DDX56: variants seen among roughly 807,000 people sequenced by gnomAD.
The protein encoded by DDX56 is probable ATP-dependent RNA helicase DDX56.
In DDX56, 45 loss-of-function variants were observed where a neutral mutation model predicts 61.5. The observed-to-expected ratio is 0.73, with a 90% CI of 0.58 to 0.94. The LOEUF (loss-of-function observed/expected upper bound fraction) is 0.94. Ranked by LOEUF, DDX56 falls within the 40% of genes least tolerant of loss-of-function variation. The pLI, the probability that DDX56 is intolerant of heterozygous loss-of-function variation, is 0.00. For missense variants in DDX56, 708 were observed against 690.7 expected (o/e 1.02, Z -0.28); for synonymous variants, 273 against 268.3 (o/e 1.02, Z -0.17).
chr7:44,568,070 T>C (rs769346824), intron 12 of DDX56, 48 bp downstream of exon 12: 2 of 1,456,774 alleles, frequency 1.4e-6, no homozygotes, highest in Non-Finnish European at 1.9e-6. Flanking sequence ...GAGAAATTAA[T>C]GCCACTTCCC....
At position 44,572,639 on chromosome 7, in the gene DDX56, C is replaced by T; in HGVS notation, c.489G>A (p.Leu163=). The change falls in exon 4 of 14, where the codon TTG becomes TTA. Residue 163 remains leucine, a synonymous_variant. Coordinates refer to ENST00000258772, the MANE Select transcript of DDX56 (RefSeq NM_019082.4). ...AAAGAAGGTCAGCTTCGTCCACCAC[C>T]AAAAGCTCCAGGGAGTCACGAAGTT... ...SLKLRDSLEL[L]VVDEADLLFS... is the part of the protein sequence containing the mutation. 1 of 1,614,196 alleles carries T rather than the reference C, an allele frequency of 6.2e-7. No homozygotes were observed.
At chr7:44,566,255 C>A (rs995519273) in intron 13 of DDX56, 176 bp from the exon 14 acceptor site, 3 of 695,050 alleles carry the variant, frequency 4.3e-6, no homozygotes, top group Non-Finnish European at 5.0e-6. Flanking sequence ...AAAAGCAGGG[C>A]CTGCAGGCGG....
chr7:44,566,649 A>G (rs1033842460), intron 12 of DDX56, 125 bp from the exon 13 acceptor site: 9 of 663,514 alleles, frequency 1.4e-5, no homozygotes, highest in Admixed American at 1.2e-4. Context: ...ACATCTATTC[A>G]CTACCACATC....
At position 44,569,793 on chromosome 7, in the gene DDX56, A is replaced by T. The variant is rs1802626697; in HGVS notation, c.1219+16T>A. 1 of 1,596,906 alleles carries T rather than the reference A, an allele frequency of 6.3e-7. No individual in the cohort carries two copies. The highest frequency in any genetic ancestry group is 8.6e-7 in the Non-Finnish European group (1 of 1,168,686). The stretch of plus-strand genomic sequence containing the variant: ...AGCCTGACCCTGGCCCAGGACCACA[A>T]GAGCCAGGCTCTTACCTCCACTGAG... On this transcript the variant is annotated intron_variant, in intron 9 of 13. Transcript: ENST00000258772.
rs1209544708 is a variant in DDX56, at chr7:44,570,797, A to C, written c.971T>G (p.Val324Gly). 6.2e-7 allele frequency: 1 copy of C among 1,613,846 alleles called. No homozygotes were observed. Among genetic ancestry groups the C allele is most frequent in the South Asian group, 1.1e-5 (1 of 91,082 alleles). The change falls in exon 7 of 14, where the codon GTC (valine) becomes GGC (glycine). Residue 324 changes from valine (V) to glycine (G), a missense_variant. By Grantham distance (109) the Val-to-Gly change is moderately radical. Coordinates refer to ENST00000258772, the MANE Select transcript of DDX56 (RefSeq NM_019082.4). Reference protein sequence around the residue: ...ATDAEVLGAPVKGKRRGRGPK... With the variant: ...ATDAEVLGAPGKGKRRGRGPK... ...CCCTCGGCCCCGACGCTTGCCCTTG[A>C]CTGGGGCCCCCAGGACTTCAGCATC... is the stretch of plus-strand genomic sequence containing the variant.
intron 7 of DDX56, among the ~76,000 whole-genome samples, 182 bp from the exon 8 acceptor site, chr7:44,570,310 A>C (rs981723608): frequency 6.6e-6 from 1 of 152,190 alleles, no homozygotes; most frequent in Non-Finnish European, 1.5e-5. Flanking sequence ...GAGCTTTGAC[A>C]TGTACCCAAA....
intron 2 of DDX56, 126 bp from the exon 3 acceptor site, chr7:44,573,176 C>A: frequency 1.2e-6 from 1 of 838,544 alleles, no homozygotes; most frequent in Non-Finnish European, 1.8e-6. Context: ...GATCATCTAT[C>A]ACTCTGCCCG....
rs912867092 is a variant in DDX56 at position 44,565,935 on chromosome 7, C to T, written c.*67G>A. The T allele has an allele frequency of 1.1e-5, 14 of 1,271,732 alleles. No individual in the cohort carries two copies. The highest frequency in any genetic ancestry group is 1.6e-5 in the Non-Finnish European group (14 of 881,738). The allele number at this position is 1,271,732 out of a possible 1,614,324, so 78.8% of individuals were successfully genotyped here. ...GGCTGTGCAGTAAGCACCAGAGCCT[C>T]GCCTGTCCACGAAGGGTGTAAGCCT... On this transcript the variant is annotated 3_prime_UTR_variant, in exon 14 of 14. Transcript: ENST00000258772.
In DDX56 at chr7:44,573,763, G is replaced by C. The variant is rs774221618; in HGVS notation, c.61-19C>G. Reference sequence around the variant, plus strand: ...TGACAGCCTAGGAGACCAGGAGTGCGGTTTAAGCGGCGTGAAGAGCGATGG... The same window carrying C: ...TGACAGCCTAGGAGACCAGGAGTGCCGTTTAAGCGGCGTGAAGAGCGATGG... On this transcript the variant is annotated intron_variant, in intron 1 of 13. Coordinates refer to ENST00000258772, the MANE Select transcript of DDX56 (RefSeq NM_019082.4). 2 of 1,613,376 alleles carry C rather than the reference G, an allele frequency of 1.2e-6. No homozygotes were observed. Among genetic ancestry groups the C allele is most frequent in the East Asian group, 2.2e-5 (1 of 44,886 alleles).
chr7:44,571,858 G>A, intron 5 of DDX56, 122 bp from the exon 6 acceptor site: 1 of 1,298,438 alleles, frequency 7.7e-7, no homozygotes, highest in Non-Finnish European at 1.1e-6. Context: ...AGGATTCCTG[G>A]CACCCTAACT....
chr7:44,572,945 C>T lies in DDX56; in HGVS notation c.328G>A (p.Ala110Thr), dbSNP rs151031016. Residue 110 changes from alanine (A) to threonine (T), a missense_variant, in exon 3 of 14, where the codon GCT becomes ACT. Transcript: ENST00000258772. ...SMIQQLATYC[A>T]RDVRVANVSA... is the part of the protein sequence containing the mutation. ...ACATTGGCCACTCGGACATCCCGAG[C>T]ACAGTAGGTAGCCAGCTGCTGAATC... is the stretch of plus-strand genomic sequence containing the variant. 7.9e-5 allele frequency: 128 copies of T among 1,612,472 alleles called. No individual in the cohort carries two copies. Among genetic ancestry groups the T allele is most frequent in the Admixed American group, 6.7e-5 (4 of 59,750 alleles).
intron 6 of DDX56, 53 bp downstream of exon 6, chr7:44,571,439 C>CT: frequency 2.5e-6 from 4 of 1,605,888 alleles, no homozygotes; most frequent in Non-Finnish European, 3.4e-6. Context: ...ACTGGGTCCC[C>CT]TTTCCATCTC....
In DDX56 at chr7:44,569,901, G is replaced by C. The variant is rs1802629724; in HGVS notation, c.1127C>G (p.Thr376Arg). 1 of 1,611,116 alleles carries C rather than the reference G, an allele frequency of 6.2e-7. No homozygotes were observed. Among genetic ancestry groups the C allele is most frequent in the Non-Finnish European group, 8.5e-7 (1 of 1,178,540 alleles). ...PEAYIHRAGRTARANNPGIVL... is the reference protein window; with the variant it reads ...PEAYIHRAGRRARANNPGIVL... The stretch of plus-strand genomic sequence containing the variant: ...TATGCCTGGGTTGTTAGCGCGTGCT[G>C]TCCTGCAAGGGAAGACAGTGCAGCT... The change falls in exon 9 of 14, where the codon ACA becomes AGA. Residue 376 changes from threonine (T) to arginine (R), a missense_variant and splice_region_variant. Physicochemically the swap from Thr to Arg is moderately conservative, Grantham distance 71 (BLOSUM62 -1). Coordinates refer to ENST00000258772, the MANE Select transcript of DDX56 (RefSeq NM_019082.4).
chr7:44,567,615 G>T lies in DDX56; in HGVS notation c.1489+503C>A, dbSNP rs115886451. 275 of 200,076 alleles carry T rather than the reference G, an allele frequency of 1.4e-3. 1 individual carries two copies. The highest frequency in any genetic ancestry group is 6.1e-3 in the African/African-American group (258 of 42,140). 12.4% of individuals were successfully genotyped at this position (200,076 alleles called of 1,614,324 possible). On this transcript the variant is annotated intron_variant, in intron 12 of 13. Coordinates refer to ENST00000258772, the MANE Select transcript of DDX56 (RefSeq NM_019082.4). Reference sequence around the variant, plus strand: ...ATGCCTGCCAACCCCTGCATCCCTCGCACCACCACTGGCTCTTCTCTTGCT... The same window carrying T: ...ATGCCTGCCAACCCCTGCATCCCTCTCACCACCACTGGCTCTTCTCTTGCT...
chr7:44,565,897 A>AAC lies in DDX56; in HGVS notation c.*103_*104dup, dbSNP rs1802516498. 2 of 900,146 alleles carry AAC rather than the reference A, an allele frequency of 2.2e-6. No individual in the cohort carries two copies. The highest frequency in any genetic ancestry group is 2.0e-5 in the Admixed American group (1 of 49,996). 55.8% of individuals were successfully genotyped at this position (900,146 alleles called of 1,614,324 possible). On this transcript the variant is annotated 3_prime_UTR_variant, in exon 14 of 14. Coordinates refer to ENST00000258772, the MANE Select transcript of DDX56 (RefSeq NM_019082.4). ...AAGGGCCCAGCACTGCCGGCCCCAG[A>AAC]ACTGTCTGTTCAGGCTGTGCAGTAA...
Position 44,572,997 on chromosome 7 carries a change from C to T in DDX56, c.276G>A (p.Lys92=). Reference sequence around the variant, plus strand: ...TGGACTGTGCTTGCCGTGCCAGCTCCTTGGTAGGAACAAGAACAAGGCCTC... The same window carrying T: ...TGGACTGTGCTTGCCGTGCCAGCTCTTTGGTAGGAACAAGAACAAGGCCTC... The part of the protein sequence containing the change: ...AVRGLVLVPT[K]ELARQAQSMI... Residue 92 remains lysine (K), a synonymous_variant, in exon 3 of 14, where the codon AAG becomes AAA. Transcript: ENST00000258772. The T allele has an allele frequency of 1.9e-6, 3 of 1,612,872 alleles. No homozygotes were observed. Among genetic ancestry groups the T allele is most frequent in the South Asian group, 1.1e-5 (1 of 90,954 alleles).
Position 44,569,885 on chromosome 7 carries a change from G to A in DDX56, c.1143C>T (p.Asn381=). 8 of 1,611,260 alleles carry A rather than the reference G, an allele frequency of 5.0e-6. No homozygotes were observed. The highest frequency in any genetic ancestry group is 6.8e-6 in the Non-Finnish European group (8 of 1,178,582). ...HRAGRTARAN[N]PGIVLTFVLP... is the part of the protein sequence containing the mutation. ...GCACAAAGGTTAAGACTATGCCTGGGTTGTTAGCGCGTGCTGTCCTGCAAG... is the reference window on the plus strand; with the variant it reads ...GCACAAAGGTTAAGACTATGCCTGGATTGTTAGCGCGTGCTGTCCTGCAAG... Residue 381 remains asparagine (N), a synonymous_variant, in exon 9 of 14, where the codon AAC becomes AAT. Coordinates refer to ENST00000258772, the MANE Select transcript of DDX56 (RefSeq NM_019082.4).
At position 44,572,940 on chromosome 7, in the gene DDX56, C is replaced by G; in HGVS notation, c.333G>C (p.Arg111=). The G allele has an allele frequency of 6.2e-7, 1 of 1,611,666 alleles. No homozygotes were observed. The highest frequency in any genetic ancestry group is 8.5e-7 in the Non-Finnish European group (1 of 1,178,670). Residue 111 remains arginine (R), a synonymous_variant, in exon 3 of 14, where the codon CGG becomes CGC. Transcript: ENST00000258772. ...CTGAGACATTGGCCACTCGGACATC[C>G]CGAGCACAGTAGGTAGCCAGCTGCT... The part of the protein sequence containing the change: ...MIQQLATYCA[R]DVRVANVSAA...
At chr7:44,568,024 T>C in intron 12 of DDX56, 94 bp downstream of exon 12, 1 of 986,600 alleles carries the variant, frequency 1.0e-6, no homozygotes, top group Admixed American at 1.9e-5. Flanking sequence ...TGCCTGAGCA[T>C]CCCCAGCACC....
Sources: allele counts gnomAD v4.1 joint callset (sites outside exome capture counted in the v4.1 genomes callset), GRCh38; gene constraint gnomAD v4.1.1; transcripts MANE v1.5; gene names NCBI Gene and HGNC (gene_info 2026-07-23, HGNC 2026-07-21).